ASB4: variants seen among roughly 807,000 people sequenced by gnomAD.
ASB4 encodes the protein ankyrin repeat and SOCS box protein 4.
A neutral mutation model predicts 38.6 loss-of-function variants in ASB4; 35 were observed. The ratio of observed to expected loss-of-function variants is 0.91; its 90% CI spans 0.69 to 1.20. The LOEUF (loss-of-function observed/expected upper bound fraction) is 1.20, where lower values mean the gene tolerates loss of function less well. Ranked by LOEUF, ASB4 falls within the 50% of genes most tolerant of loss-of-function variation. The pLI, the probability that ASB4 is intolerant of heterozygous loss-of-function variation, is 0.00. For missense variants in ASB4, 557 were observed against 527.2 expected (o/e 1.06, Z -0.55); for synonymous variants, 195 against 201.3 (o/e 0.97, Z 0.26).
Position 95,495,791 on chromosome 7 carries a change from C to A in ASB4, c.221C>A (p.Ser74Tyr), listed in dbSNP as rs764528090. Residue 74 changes from serine to tyrosine, a missense_variant, in exon 2 of 5, where the codon TCC becomes TAC. By Grantham distance (144) the Ser-to-Tyr change is moderately radical (BLOSUM62 -2). Coordinates refer to ENST00000325885, the MANE Select transcript of ASB4 (RefSeq NM_016116.3). ...YWLPSYKLKS[S>Y]WATGLHLSVL... is the part of the protein sequence containing the mutation. ...TTGCCTAGCTATAAATTGAAGTCTT[C>A]CTGGGCCACAGGCCTCCATCTCTCT... 1 of 1,604,756 alleles carries A rather than the reference C, an allele frequency of 6.2e-7. No individual in the cohort carries two copies. Among genetic ancestry groups the A allele is most frequent in the Non-Finnish European group, 8.5e-7 (1 of 1,175,802 alleles).
chr7:95,514,612 C>A (rs1038493945), intron 2 of ASB4, among the ~76,000 whole-genome samples: 2 of 152,086 alleles, frequency 1.3e-5, no homozygotes, highest in African/African-American at 4.8e-5. Context: ...AGGCATGCAA[C>A]CTATCAGGTA....
At chr7:95,513,147 G>A (rs1302017143) in intron 2 of ASB4, among the ~76,000 whole-genome samples, 1 of 151,874 alleles carries the variant, frequency 6.6e-6, no homozygotes, top group Non-Finnish European at 1.5e-5. Flanking sequence ...GTCACGAAAT[G>A]TGGGAAGCCT....
chr7:95,501,639 T>G (rs1348689961), intron 2 of ASB4, among the ~76,000 whole-genome samples: 1 of 152,222 alleles, frequency 6.6e-6, no homozygotes, highest in South Asian at 2.1e-4. Flanking sequence ...CTTTGTTAAC[T>G]TTTTACATTG....
chr7:95,549,867 C>T, the ASB4 span, among the ~76,000 whole-genome samples: 1 of 152,120 alleles, frequency 6.6e-6, no homozygotes, highest in Non-Finnish European at 1.5e-5. Context: ...AAATTTCACT[C>T]TTCTGAAAAG....
chr7:95,510,207 G>A (rs187879335), intron 2 of ASB4, among the ~76,000 whole-genome samples: 6 of 152,068 alleles, frequency 3.9e-5, no homozygotes, highest in Admixed American at 1.3e-4. Context: ...TGTTTCTTCC[G>A]AAATGAGTCC....
At chr7:95,484,257 G>C (rs563765571), upstream of ASB4, among the ~76,000 whole-genome samples, 1 of 152,268 alleles carries the variant, frequency 6.6e-6, no homozygotes, top group East Asian at 1.9e-4. Context: ...GCTTGAGCCT[G>C]AGAGGCAAAG....
chr7:95,490,817 C>T (rs1219415946), intron 1 of ASB4, among the ~76,000 whole-genome samples: 7 of 152,282 alleles, frequency 4.6e-5, no homozygotes, highest in Non-Finnish European at 8.8e-5. Flanking sequence ...CACACACGCG[C>T]ACGCGTGCAC....
At chr7:95,501,548 A>T (rs1201579545) in intron 2 of ASB4, among the ~76,000 whole-genome samples, 1 of 152,332 alleles carries the variant, frequency 6.6e-6, no homozygotes, top group Non-Finnish European at 1.5e-5. Flanking sequence ...ATTTCCAGTA[A>T]ACAATGCAGT....
chr7:95,519,565 T>A (rs562623403), intron 2 of ASB4, among the ~76,000 whole-genome samples: 1 of 152,328 alleles, frequency 6.6e-6, no homozygotes, highest in South Asian at 2.1e-4. Context: ...TGAGAGCAAG[T>A]GTAAACCAAC....
At chr7:95,516,500 A>G (rs1418321552) in intron 2 of ASB4, among the ~76,000 whole-genome samples, 4 of 152,232 alleles carry the variant, frequency 2.6e-5, no homozygotes, top group Admixed American at 2.0e-4. Flanking sequence ...CATGGGTTCA[A>G]TGAAAAAAAT....
upstream of ASB4, among the ~76,000 whole-genome samples, chr7:95,481,070 T>C (rs943302339): frequency 1.3e-5 from 2 of 152,236 alleles, no homozygotes; most frequent in South Asian, 4.1e-4. Flanking sequence ...TCTGACCTTG[T>C]ATAATTCATT....
intron 1 of ASB4, among the ~76,000 whole-genome samples, chr7:95,494,092 C>T (rs1227011482): frequency 2.0e-5 from 3 of 152,174 alleles, no homozygotes; most frequent in Non-Finnish European, 4.4e-5. Context: ...TCCTTTAGGA[C>T]ATTTCACATG....
At chr7:95,492,875 G>T (rs979327533) in intron 1 of ASB4, among the ~76,000 whole-genome samples, 3 of 152,198 alleles carry the variant, frequency 2.0e-5, no homozygotes, top group Non-Finnish European at 4.4e-5. Flanking sequence ...AAGTTAATGT[G>T]ATTCGTTCAT....
rs763464 is a variant in ASB4, at chr7:95,532,517, C to G, written c.979-3920C>G. ...GAGGAGGAAAAGGTAACACGAGGGT[C>G]TGGGAGAGGTAAGGATGATTTCTGC... On this transcript the variant is annotated intron_variant, in intron 3 of 4. Transcript: ENST00000325885. Among the ~76,000 whole-genome samples the G allele has an allele frequency of 4.6e-5, 7 of 151,998 alleles. No homozygotes were observed. The South Asian group carries it at 6.2e-4, about 14-fold the overall frequency.
At chr7:95,515,956 A>G (rs953215540) in intron 2 of ASB4, among the ~76,000 whole-genome samples, 4 of 152,118 alleles carry the variant, frequency 2.6e-5, no homozygotes, top group Non-Finnish European at 5.9e-5. Context: ...CCTTCATGCC[A>G]TGTTATCTCC....
Position 95,536,535 on chromosome 7 carries a change from C to T in ASB4, c.1077C>T (p.Pro359=), listed in dbSNP as rs775847326. The T allele has an allele frequency of 1.5e-5, 24 of 1,607,760 alleles. No individual in the cohort carries two copies. Among genetic ancestry groups the T allele is most frequent in the Admixed American group, 8.3e-5 (5 of 59,904 alleles). ...ACACAAAGTGGAGAAGAGCTATCCC[C>T]GATGATGACTTGGAGGTAAATAATC... ...RWNTKWRRAI[P]DDDLEKYWDF... The change falls in exon 4 of 5, where the codon CCC becomes CCT. Residue 359 remains proline (P), a synonymous_variant. Transcript: ENST00000325885.
chr7:95,546,323 A>T, the ASB4 span, among the ~76,000 whole-genome samples: 1 of 152,252 alleles, frequency 6.6e-6, no homozygotes, highest in Non-Finnish European at 1.5e-5. Context: ...CCACTGAAGG[A>T]AATCTGCCCA....
downstream of ASB4, among the ~76,000 whole-genome samples, chr7:95,540,503 C>G (rs917086667): frequency 6.6e-6 from 1 of 152,332 alleles, no homozygotes; most frequent in East Asian, 1.9e-4. Context: ...TTCTCCTCTG[C>G]CTCTCACCAT....
intron 2 of ASB4, among the ~76,000 whole-genome samples, chr7:95,524,181 G>T (rs539973442): frequency 9.5e-4 from 144 of 152,348 alleles, no homozygotes; most frequent in African/African-American, 3.4e-3. Context: ...GTACAAGAAT[G>T]TGCAAGAATG....
Sources: gnomAD v4.1 joint callset for allele counts (sites outside exome capture counted in the v4.1 genomes callset) on GRCh38, gnomAD v4.1.1 for gene constraint, MANE v1.5 for transcripts, NCBI Gene and HGNC (gene_info 2026-07-23, HGNC 2026-07-21) for gene names.